PTGES3L: variants seen among roughly 807,000 people sequenced by gnomAD.
PTGES3L encodes putative protein PTGES3L.
PTGES3L carries 17 observed loss-of-function variants against 25.0 expected under a neutral mutation model. The ratio of observed to expected loss-of-function variants is 0.68; its 90% CI spans 0.47 to 1.02. PTGES3L has a LOEUF of 1.02. Among genes scored for constraint, PTGES3L ranks in the 50% least tolerant of loss-of-function variants. The pLI, the probability that PTGES3L is intolerant of heterozygous loss-of-function variation, is 0.00. For missense variants in PTGES3L, 202 were observed against 197.5 expected, an observed-to-expected ratio of 1.02 and a Z score of -0.14; for synonymous variants, 59 against 65.7, an observed-to-expected ratio of 0.90 and a Z score of 0.50.
rs1342393059 is a variant in PTGES3L, at chr17:42,969,095, A to G, written c.*53T>C. 7.0e-7 allele frequency: 1 copy of G among 1,427,200 alleles called. No homozygotes were observed. The highest frequency in any genetic ancestry group is 1.4e-5 in the African/African-American group (1 of 69,518). 88.4% of individuals were successfully genotyped at this position (1,427,200 alleles called of 1,614,324 possible). A position where few individuals can be genotyped will look rare whatever the true frequency, so the allele number is the denominator to read the frequency against. On this transcript the variant is annotated 3_prime_UTR_variant, in exon 7 of 7. Coordinates refer to ENST00000591916, the MANE Select transcript of PTGES3L (RefSeq NM_001261430.2). ...ACAAAGGCCTAGGCGCTAGCTTTCTAGAACAACTGGAAAATAGCCACAGCT... is the reference window on the plus strand; with the variant it reads ...ACAAAGGCCTAGGCGCTAGCTTTCTGGAACAACTGGAAAATAGCCACAGCT...
intron 5 of PTGES3L, 132 bp downstream of exon 5, chr17:42,971,475 C>A: frequency 1.2e-6 from 1 of 816,336 alleles, no homozygotes; most frequent in Non-Finnish European, 1.9e-6. Context: ...AGAATATCAG[C>A]ATCAATGAGT....
intron 4 of PTGES3L, among the ~76,000 whole-genome samples, chr17:42,974,677 G>C (rs965793853): frequency 1.3e-5 from 2 of 151,258 alleles, no homozygotes; most frequent in African/African-American, 4.9e-5. Context: ...GGAGACTAAC[G>C]CAGGAGGATT....
intron 2 of PTGES3L, 32 bp downstream of exon 2, chr17:42,979,518 G>C (rs1475013473): frequency 1.2e-6 from 2 of 1,614,126 alleles, no homozygotes; most frequent in East Asian, 4.5e-5. Flanking sequence ...AGATTCCTGG[G>C]AAGCCAGGCC....
At chr17:42,976,455 T>A (rs1344408857) in intron 4 of PTGES3L, among the ~76,000 whole-genome samples, 1 of 152,182 alleles carries the variant, frequency 6.6e-6, no homozygotes, top group Non-Finnish European at 1.5e-5. Context: ...CTCAGCTCAC[T>A]GCAACCTCCA....
intron 4 of PTGES3L, among the ~76,000 whole-genome samples, chr17:42,978,108 A>G (rs1038005711): frequency 6.7e-6 from 1 of 149,562 alleles, no homozygotes; most frequent in African/African-American, 2.5e-5. Flanking sequence ...AAACAGAAAG[A>G]AAAAAGAAAA....
intron 4 of PTGES3L, among the ~76,000 whole-genome samples, chr17:42,972,671 A>C (rs1170582070): frequency 6.6e-6 from 1 of 152,056 alleles, no homozygotes; most frequent in African/African-American, 2.4e-5. Context: ...TCGGCTCGCT[A>C]CAACCTACAC....
intron 4 of PTGES3L, among the ~76,000 whole-genome samples, chr17:42,977,150 G>A (rs901461118): frequency 1.3e-5 from 2 of 152,084 alleles, no homozygotes; most frequent in Non-Finnish European, 2.9e-5. Flanking sequence ...AAATTACCAG[G>A]TGCGGTGGCT....
At position 42,979,126 on chromosome 17, in the gene PTGES3L, T is replaced by A. The variant is rs773510641; in HGVS notation, c.288+44A>T. 5 of 1,608,022 alleles carry A rather than the reference T, an allele frequency of 3.1e-6. No homozygotes were observed. The African/African-American group carries it at 6.7e-5, about 22-fold the overall frequency. ...GGCAAGGACAATCCCAGCTGTAACC[T>A]GGGTACATGGAGAGAAGAAGCAGGC... On this transcript the variant is annotated intron_variant, in intron 4 of 6. Transcript: ENST00000591916.
In PTGES3L at chr17:42,978,077, CAAAAAAA is replaced by C. The variant is rs368420097; in HGVS notation, c.288+1086_288+1092del. Among the ~76,000 whole-genome samples, 86 of 47,392 alleles carry C rather than the reference CAAAAAAA, an allele frequency of 1.8e-3. 1 individual carries two copies. The highest frequency in any genetic ancestry group is 7.8e-3 in the African/African-American group (76 of 9,730). The allele number at this position is 47,392 out of a possible 152,430, so 31.1% of individuals were successfully genotyped here. ...GGGCAACAAGAGCGAAACTCCGAAT[CAAAAAAA>C]AAAAAAAAAAAAAAAACAGAAAGAA... is the stretch of plus-strand genomic sequence containing the variant. On this transcript the variant is annotated intron_variant, in intron 4 of 6. Transcript: ENST00000591916.
At position 42,980,033 on chromosome 17, in the gene PTGES3L, C is replaced by T; in HGVS notation, c.8+13G>A. The stretch of plus-strand genomic sequence containing the variant: ...AAAGGGCCAGGGGGAGCACCGGAGC[C>T]GGAAACACTCACCGTGCCATTGCGG... On this transcript the variant is annotated intron_variant, in intron 1 of 6. Coordinates refer to ENST00000591916, the MANE Select transcript of PTGES3L (RefSeq NM_001261430.2). The T allele has an allele frequency of 6.5e-7, 1 of 1,548,226 alleles. No homozygotes were observed. Among genetic ancestry groups the T allele is most frequent in the Non-Finnish European group, 8.7e-7 (1 of 1,145,736 alleles).
intron 4 of PTGES3L, among the ~76,000 whole-genome samples, chr17:42,973,461 C>G (rs1353846004): frequency 3.3e-5 from 5 of 151,752 alleles, no homozygotes; most frequent in Non-Finnish European, 5.9e-5. Context: ...TGAGGAGCCC[C>G]TCTGCCTGGC....
intron 4 of PTGES3L, among the ~76,000 whole-genome samples, chr17:42,972,763 G>A (rs1483914280): frequency 5.3e-5 from 8 of 151,772 alleles, no homozygotes; most frequent in African/African-American, 1.4e-4. Flanking sequence ...GAAGTGAGGA[G>A]TGTCTCTGCC....
At chr17:42,979,072 T>G (rs2151953139) in intron 4 of PTGES3L, 98 bp downstream of exon 4, 11 of 1,236,478 alleles carry the variant, frequency 8.9e-6, no homozygotes, top group Non-Finnish European at 1.2e-5. Context: ...GCAGGACTTG[T>G]TGAGTGATTG....
At chr17:42,973,633 A>C (rs1597739009) in intron 4 of PTGES3L, among the ~76,000 whole-genome samples, 2 of 149,930 alleles carry the variant, frequency 1.3e-5, no homozygotes, top group Non-Finnish European at 1.5e-5. Context: ...GAGACTTTTC[A>C]TTTTGTTCTG....
In PTGES3L at chr17:42,969,051, G is replaced by C; in HGVS notation, c.*97C>G. On this transcript the variant is annotated 3_prime_UTR_variant, in exon 7 of 7. Transcript: ENST00000591916. ...AGTTCAGAGATCTCAGAAGAACTTG[G>C]TGCACAGCCAAAGCGCTGACAAAGG... The C allele has an allele frequency of 2.3e-6, 2 of 877,134 alleles. No individual in the cohort carries two copies. Among genetic ancestry groups the C allele is most frequent in the Non-Finnish European group, 3.6e-6 (2 of 548,096 alleles). 54.3% of individuals were successfully genotyped at this position (877,134 alleles called of 1,614,324 possible). A position where few individuals can be genotyped will look rare whatever the true frequency, so the allele number is the denominator to read the frequency against.
intron 4 of PTGES3L, among the ~76,000 whole-genome samples, chr17:42,976,586 T>C (rs2049958939): frequency 6.6e-6 from 1 of 152,078 alleles, no homozygotes; most frequent in South Asian, 2.1e-4. Context: ...CACTATGTTG[T>C]CTGGGCTGGT....
intron 1 of PTGES3L, 161 bp downstream of exon 1, chr17:42,979,885 G>A: frequency 6.9e-7 from 1 of 1,445,444 alleles, no homozygotes; most frequent in Non-Finnish European, 9.1e-7. Flanking sequence ...AGGAGGTCAG[G>A]GAGAACATTC....
At chr17:42,974,009 A>AT (rs1478334118) in intron 4 of PTGES3L, among the ~76,000 whole-genome samples, 2 of 150,092 alleles carry the variant, frequency 1.3e-5, no homozygotes, top group African/African-American at 2.4e-5. Context: ...AAATTAAAAA[A>AT]AAATAAAAAT....
intron 4 of PTGES3L, among the ~76,000 whole-genome samples, chr17:42,972,539 G>A (rs1268602478): frequency 6.6e-6 from 1 of 152,184 alleles, no homozygotes; most frequent in Non-Finnish European, 1.5e-5. Context: ...GGCTGGGCCG[G>A]TCTCCAGCCC....
Sources: allele counts gnomAD v4.1 joint callset (sites outside exome capture counted in the v4.1 genomes callset), GRCh38; gene constraint gnomAD v4.1.1; transcripts MANE v1.5; gene names NCBI Gene and HGNC (gene_info 2026-07-23, HGNC 2026-07-21).